Variants in SHANK2 observed in about 807,000 individuals in gnomAD.
SHANK2 encodes the protein SH3 and multiple ankyrin repeat domains protein 2.
In SHANK2, 43 loss-of-function variants were observed where a neutral mutation model predicts 133.7. The ratio of observed to expected loss-of-function variants is 0.32; its 90% CI spans 0.25 to 0.41. SHANK2 has a LOEUF of 0.41. Ranked by LOEUF, SHANK2 falls within the 10% of genes least tolerant of loss-of-function variation. The pLI is 1.00. For synonymous variants in SHANK2, 1,017 were observed against 952.8 expected (o/e 1.07, Z -1.24); for missense variants, 1,994 against 2,235.8 (o/e 0.89, Z 2.18).
At chr11:70,802,472 C>CA (rs1948067565) in intron 13 of SHANK2, among the ~76,000 whole-genome samples, 1 of 152,198 alleles carries the variant, frequency 6.6e-6, no homozygotes, top group South Asian at 2.1e-4. Flanking sequence ...CAGAAACCTG[C>CA]CAGGTCACTG....
chr11:70,890,668 G>C (rs553749177), intron 11 of SHANK2, among the ~76,000 whole-genome samples: 1 of 151,730 alleles, frequency 6.6e-6, no homozygotes, highest in African/African-American at 2.4e-5. Context: ...GTATGGTAGC[G>C]CGTGCCTGTA....
At chr11:70,762,267 C>G (rs1053401048) in intron 14 of SHANK2, among the ~76,000 whole-genome samples, 1 of 152,090 alleles carries the variant, frequency 6.6e-6, no homozygotes, top group Non-Finnish European at 1.5e-5. Context: ...ATTTTTAAGC[C>G]GAAGGAAAAT....
At chr11:71,203,461 T>C (rs1954061841) in intron 2 of SHANK2, among the ~76,000 whole-genome samples, 1 of 152,144 alleles carries the variant, frequency 6.6e-6, no homozygotes, top group South Asian at 2.1e-4. Context: ...TCAGCAGGCC[T>C]GGGTTGTCCA....
At position 70,615,808 on chromosome 11, in the gene SHANK2, C is replaced by G. The variant is rs553116223; in HGVS notation, c.2061+44020G>C. 3.6e-3 allele frequency among the ~76,000 whole-genome samples: 553 copies of G among 152,290 alleles called. 3 individuals are homozygous for G. The highest frequency in any genetic ancestry group is 0.013 in the African/African-American group (536 of 41,566). Reference sequence around the variant, plus strand: ...GGTGGTAGAAGGAAGCCCACCCACCCACAGGTCTAAGCCACCTTGGCCGGT... The same window carrying G: ...GGTGGTAGAAGGAAGCCCACCCACCGACAGGTCTAAGCCACCTTGGCCGGT... On this transcript the variant is annotated intron_variant, in intron 17 of 25. Transcript: ENST00000601538.
intron 17 of SHANK2, among the ~76,000 whole-genome samples, chr11:70,563,634 A>G (rs1554981302): frequency 6.8e-6 from 1 of 146,378 alleles, no homozygotes; most frequent in African/African-American, 2.6e-5. Context: ...CGCCTCCTGG[A>G]TTCAAGTGAT....
rs1944555062 is a variant in SHANK2, at chr11:70,661,961, C to T, written c.1854-283G>A. 3 of 709,572 alleles carry T rather than the reference C, an allele frequency of 4.2e-6. No homozygotes were observed. The South Asian group carries it at 5.0e-5, about 12-fold the overall frequency. 44.0% of individuals were successfully genotyped at this position (709,572 alleles called of 1,614,324 possible). ...GAGTCATACATGGTGGGGCGGCTGC[C>T]TGAGGGATGGCTGAGCTGGAGGCTC... On this transcript the variant is annotated intron_variant, in intron 15 of 25. Transcript: ENST00000601538.
chr11:70,701,829 AG>A (rs1555023751), intron 14 of SHANK2, among the ~76,000 whole-genome samples: 1 of 152,144 alleles, frequency 6.6e-6, no homozygotes, highest in East Asian at 1.9e-4. Context: ...ATGGTCCCTA[AG>A]GGACAGGAAA....
At chr11:70,533,159 GGAA>G (rs1565104500) in intron 17 of SHANK2, among the ~76,000 whole-genome samples, 1 of 152,104 alleles carries the variant, frequency 6.6e-6, no homozygotes, top group East Asian at 1.9e-4. Flanking sequence ...TCCAGGAACC[GGAA>G]GAAGGTGATG....
rs766712114 is a variant in SHANK2 at position 70,470,247 on chromosome 11, A to ACTT, written c.*2619_*2621dup. The ACTT allele has an allele frequency of 5.2e-5, 8 of 152,430 alleles. No homozygotes were observed. Among genetic ancestry groups the ACTT allele is most frequent in the Non-Finnish European group, 1.2e-4 (8 of 68,046 alleles). The allele number at this position is 152,430 out of a possible 1,614,324, so 9.4% of individuals were successfully genotyped here. A position where few individuals can be genotyped will look rare whatever the true frequency, so the allele number is the denominator to read the frequency against. ...CAGTGCAGGTTCTGATAGGTCTATTACTTCTCTATAATAAGACAGTGTAAA... is the reference window on the plus strand; with the variant it reads ...CAGTGCAGGTTCTGATAGGTCTATTACTTCTTCTCTATAATAAGACAGTGTAAA... On this transcript the variant is annotated 3_prime_UTR_variant, in exon 26 of 26. Coordinates refer to ENST00000601538, the MANE Select transcript of SHANK2 (RefSeq NM_012309.5).
chr11:70,686,193 CCCAT>C (rs1251808121), intron 15 of SHANK2, among the ~76,000 whole-genome samples: 2 of 137,884 alleles, frequency 1.5e-5, no homozygotes, highest in African/African-American at 5.6e-5. Flanking sequence ...TACTCATCCA[CCCAT>C]CCATCTATCC....
chr11:70,560,946 G>A (rs1384184859), intron 17 of SHANK2, among the ~76,000 whole-genome samples: 6 of 152,040 alleles, frequency 3.9e-5, no homozygotes, highest in African/African-American at 1.4e-4. Flanking sequence ...TAAAGATACA[G>A]TAATCAAGAC....
intron 17 of SHANK2, among the ~76,000 whole-genome samples, chr11:70,614,728 CTG>C (rs1236051212): frequency 1.3e-5 from 2 of 152,224 alleles, no homozygotes; most frequent in Non-Finnish European, 2.9e-5. Context: ...GGGTCTGTTG[CTG>C]TGAGAGCAAG....
At chr11:71,092,232 G>GT (rs1207480142) in intron 8 of SHANK2, among the ~76,000 whole-genome samples, 190 bp downstream of exon 8, 8 of 152,228 alleles carry the variant, frequency 5.3e-5, no homozygotes, top group Non-Finnish European at 1.2e-4. Flanking sequence ...AAATGTGTCT[G>GT]TTTTCAAATA....
intron 11 of SHANK2, among the ~76,000 whole-genome samples, chr11:70,823,051 G>A (rs1948563732): frequency 9.1e-6 from 1 of 109,476 alleles, no homozygotes; most frequent in Non-Finnish European, 1.8e-5. Context: ...AGAGCCCACG[G>A]GGGACAGAGG....
At chr11:71,219,340 C>T (rs1954488450) in intron 2 of SHANK2, among the ~76,000 whole-genome samples, 3 of 152,192 alleles carry the variant, frequency 2.0e-5, no homozygotes, top group South Asian at 4.1e-4. Context: ...AAAGAGAACC[C>T]AGATTGTCAG....
chr11:70,686,167 C>T lies in SHANK2; in HGVS notation c.1853+12521G>A, dbSNP rs372978743. 3.2e-3 allele frequency among the ~76,000 whole-genome samples: 474 copies of T among 150,462 alleles called. 3 individuals are homozygous for T. Among genetic ancestry groups the T allele is most frequent in the African/African-American group, 0.011 (446 of 40,770 alleles). On this transcript the variant is annotated intron_variant, in intron 15 of 25. Coordinates refer to ENST00000601538, the MANE Select transcript of SHANK2 (RefSeq NM_012309.5). Reference sequence around the variant, plus strand: ...ACACCCATCCAGCTCCCCTTCCTTCCTTCCATCCATCCATCTACTCATCCA... The same window carrying T: ...ACACCCATCCAGCTCCCCTTCCTTCTTTCCATCCATCCATCTACTCATCCA...
rs775103552 is a variant in SHANK2 at position 70,925,328 on chromosome 11, C to A, written c.1108-28761G>T. On this transcript the variant is annotated intron_variant, in intron 10 of 25. Transcript: ENST00000601538. ...AGCATTTTTATTAAAGATGACCCGC[C>A]AAAGTGAAGAAAGCCCTGTTAATTC... Among the ~76,000 whole-genome samples, 527 of 152,262 alleles carry A rather than the reference C, an allele frequency of 3.5e-3. 2 individuals are homozygous for A. The highest frequency in any genetic ancestry group is 4.3e-3 in the Non-Finnish European group (295 of 68,026).
chr11:70,711,028 G>A (rs530621535), intron 14 of SHANK2, among the ~76,000 whole-genome samples: 66 of 152,196 alleles, frequency 4.3e-4, no homozygotes, highest in Non-Finnish European at 8.7e-4. Flanking sequence ...GAGGCATGTG[G>A]GTGAAGGGAA....
At chr11:71,085,943 ATGT>A (rs1951395985) in intron 8 of SHANK2, among the ~76,000 whole-genome samples, 1 of 9,944 alleles carries the variant, frequency 1.0e-4, no homozygotes, top group Non-Finnish European at 3.3e-4. Flanking sequence ...ATATATTAAT[ATGT>A]TATATATATT....
Sources: allele counts gnomAD v4.1 joint callset (sites outside exome capture counted in the v4.1 genomes callset), GRCh38; gene constraint gnomAD v4.1.1; transcripts MANE v1.5; gene names NCBI Gene and HGNC (gene_info 2026-07-23, HGNC 2026-07-21).